PDE1A: variants seen among roughly 807,000 people sequenced by gnomAD.
The protein encoded by PDE1A is dual specificity calcium/calmodulin-dependent 3',5'-cyclic nucleotide phosphodiesterase 1A.
Under a neutral mutation model 61.7 loss-of-function variants are expected in PDE1A, and 35 were observed. The ratio of observed to expected loss-of-function variants is 0.57; its 90% CI spans 0.43 to 0.75. The LOEUF (loss-of-function observed/expected upper bound fraction) is 0.75. Ranked by LOEUF, PDE1A falls within the 30% of genes least tolerant of loss-of-function variation. PDE1A has a pLI of 0.00. For synonymous variants in PDE1A, 232 were observed against 213.2 expected, an observed-to-expected ratio of 1.09 and a Z score of -0.77; for missense variants, 597 against 630.6, an observed-to-expected ratio of 0.95 and a Z score of 0.57.
intron 2 of PDE1A, among the ~76,000 whole-genome samples, chr2:182,463,146 C>T (rs552604734): frequency 2.4e-4 from 37 of 151,754 alleles, no homozygotes; most frequent in African/African-American, 8.4e-4. Context: ...GAGGCTGAGG[C>T]GAGAATCCCT....
intron 2 of PDE1A, among the ~76,000 whole-genome samples, chr2:182,440,927 C>T (rs931928452): frequency 1.6e-4 from 25 of 152,004 alleles, no homozygotes; most frequent in East Asian, 1.4e-3. Flanking sequence ...CCCCTTACCA[C>T]GAAAATTTTT....
downstream of PDE1A, among the ~76,000 whole-genome samples, chr2:182,145,536 T>G (rs1321457313): frequency 2.6e-5 from 4 of 152,214 alleles, no homozygotes; most frequent in East Asian, 1.9e-4. Flanking sequence ...GAGACCAGCC[T>G]GGGCAACACG....
intron 13 of PDE1A, among the ~76,000 whole-genome samples, chr2:182,177,233 A>T (rs1684320371): frequency 1.3e-5 from 2 of 151,924 alleles, no homozygotes; most frequent in African/African-American, 4.8e-5. Context: ...CTCTTTTTCT[A>T]TTGATTGGAA....
the PDE1A span, among the ~76,000 whole-genome samples, chr2:182,656,523 C>T: frequency 1.9e-4 from 29 of 152,178 alleles, no homozygotes; most frequent in African/African-American, 5.8e-4. Flanking sequence ...GGACTGATGA[C>T]CAATAAAGTA....
At chr2:182,273,476 T>C (rs564618191) in intron 1 of PDE1A, among the ~76,000 whole-genome samples, 4 of 151,344 alleles carry the variant, frequency 2.6e-5, no homozygotes, top group African/African-American at 7.3e-5. Context: ...ATAAAAAATA[T>C]ATATATATAT....
chr2:182,222,817 A>T lies in PDE1A; in HGVS notation c.776+1047T>A, dbSNP rs569281309. Among the ~76,000 whole-genome samples, 460 of 152,170 alleles carry T rather than the reference A, an allele frequency of 3.0e-3. 5 individuals carry two copies. Among genetic ancestry groups the T allele is most frequent in the Non-Finnish European group, 5.9e-3 (401 of 67,942 alleles). The stretch of plus-strand genomic sequence containing the variant: ...CAAGAGAGACATCAGCTCTTAACAT[A>T]TATCTCCTTATTAAGCATCCTGACT... On this transcript the variant is annotated intron_variant, in intron 7 of 13. Coordinates refer to ENST00000351439, the Ensembl canonical transcript of PDE1A.
At chr2:182,508,745 T>A (rs963234494) in intron 2 of PDE1A, among the ~76,000 whole-genome samples, 1 of 150,386 alleles carries the variant, frequency 6.6e-6, no homozygotes, top group Admixed American at 6.6e-5. Flanking sequence ...TTTTTATTTT[T>A]TTTTTATTTT....
At chr2:182,361,267 G>A (rs1197808946) in intron 1 of PDE1A, among the ~76,000 whole-genome samples, 4 of 152,046 alleles carry the variant, frequency 2.6e-5, no homozygotes, top group African/African-American at 9.7e-5. Context: ...TTAGATATAC[G>A]TAATGCATAG....
At chr2:182,300,658 A>G (rs922715688) in intron 1 of PDE1A, among the ~76,000 whole-genome samples, 3 of 152,208 alleles carry the variant, frequency 2.0e-5, no homozygotes, top group Non-Finnish European at 4.4e-5. Context: ...TAGAGAAGAA[A>G]TAGTGGAAAT....
chr2:182,604,995 GA>G, the PDE1A span, among the ~76,000 whole-genome samples: 8 of 150,952 alleles, frequency 5.3e-5, no homozygotes, highest in Non-Finnish European at 7.4e-5. Context: ...GCCAGCTTCA[GA>G]ATCACTTCAT....
chr2:182,586,865 A>G, the PDE1A span, among the ~76,000 whole-genome samples: 1 of 152,222 alleles, frequency 6.6e-6, no homozygotes, highest in Admixed American at 6.5e-5. Context: ...AGAAAGATAC[A>G]GTGGTTGCCC....
chr2:182,591,661 T>G, the PDE1A span, among the ~76,000 whole-genome samples: 2 of 152,160 alleles, frequency 1.3e-5, no homozygotes, highest in African/African-American at 4.8e-5. Flanking sequence ...TAGATGTCAG[T>G]AGCAGCCTCT....
chr2:182,646,699 G>T, the PDE1A span, among the ~76,000 whole-genome samples: 2,316 of 150,644 alleles, frequency 0.015, 47 homozygotes, highest in African/African-American at 0.053. Flanking sequence ...AAAAAAAAAA[G>T]AATTAAGCAA....
chr2:182,272,393 C>T (rs776547392), intron 1 of PDE1A, among the ~76,000 whole-genome samples: 5 of 152,266 alleles, frequency 3.3e-5, no homozygotes, highest in African/African-American at 7.2e-5. Context: ...TTCACTGGGT[C>T]CTGCATGTTA....
At chr2:182,235,290 T>A (rs1046427775) in intron 3 of PDE1A, among the ~76,000 whole-genome samples, 6 of 152,130 alleles carry the variant, frequency 3.9e-5, no homozygotes, top group African/African-American at 1.4e-4. Flanking sequence ...ATTACAGGCA[T>A]GCGCCACCAT....
intron 2 of PDE1A, among the ~76,000 whole-genome samples, chr2:182,261,016 C>G (rs986227901): frequency 1.3e-5 from 2 of 152,044 alleles, no homozygotes; most frequent in African/African-American, 4.8e-5. Flanking sequence ...TTTCATAGGA[C>G]TTTTATGATG....
intron 1 of PDE1A, among the ~76,000 whole-genome samples, chr2:182,333,134 G>T (rs1697536365): frequency 6.6e-6 from 1 of 152,252 alleles, no homozygotes; most frequent in East Asian, 1.9e-4. Flanking sequence ...AATAGTGGGA[G>T]ACTTTAACAC....
At chr2:182,207,658 T>C (rs1687226007) in intron 7 of PDE1A, among the ~76,000 whole-genome samples, 1 of 152,196 alleles carries the variant, frequency 6.6e-6, no homozygotes, top group Admixed American at 6.5e-5. Context: ...AAAATTTGCA[T>C]ACGTAAAGAG....
chr2:182,152,489 T>C (rs1428064723), intron 13 of PDE1A, among the ~76,000 whole-genome samples: 1 of 142,842 alleles, frequency 7.0e-6, no homozygotes, highest in East Asian at 2.2e-4. Flanking sequence ...GGCATCATCT[T>C]GGCTCACTGC....
Sources: gnomAD v4.1 joint callset for allele counts (sites outside exome capture counted in the v4.1 genomes callset) on GRCh38, gnomAD v4.1.1 for gene constraint, MANE v1.5 for transcripts, NCBI Gene and HGNC (gene_info 2026-07-23, HGNC 2026-07-21) for gene names.